NEDD4: variants seen among roughly 807,000 people sequenced by gnomAD.
NEDD4 encodes NEDD4 E3 ubiquitin protein ligase.
Under a neutral mutation model 144.9 loss-of-function variants are expected in NEDD4, and 99 were observed. The ratio of observed to expected loss-of-function variants is 0.68; its 90% CI spans 0.58 to 0.81. The LOEUF is 0.81. Among genes scored for constraint, NEDD4 ranks in the 30% least tolerant of loss-of-function variants. The probability of loss-of-function intolerance (pLI) is 0.00; values close to 1 mark genes in which losing one functional copy is unlikely to be tolerated. For synonymous variants in NEDD4, 318 were observed against 350.6 expected, an observed-to-expected ratio of 0.91 and a Z score of 1.04; for missense variants, 985 against 1,065.9, an observed-to-expected ratio of 0.92 and a Z score of 1.06.
At position 55,980,585 on chromosome 15, in the gene NEDD4, A is replaced by T. The variant is rs370759464; in HGVS notation, c.45+12926T>A. Among the ~76,000 whole-genome samples the T allele has an allele frequency of 1.2e-4, 18 of 152,302 alleles. No homozygotes were observed. In the East Asian group the frequency reaches 2.7e-3, roughly 23 times the overall value. On this transcript the variant is annotated intron_variant, in intron 1 of 28. Coordinates refer to ENST00000435532, the MANE Select transcript of NEDD4 (RefSeq NM_006154.4). ...AAGGAATAAATTTGGAAAGAAGAAA[A>T]CAAGAAATTAAAGAAACAGTAGATT... is the stretch of plus-strand genomic sequence containing the variant.
chr15:55,907,181 A>G (rs1331677243), intron 5 of NEDD4, among the ~76,000 whole-genome samples: 2 of 152,136 alleles, frequency 1.3e-5, no homozygotes, highest in Admixed American at 6.5e-5. Context: ...CAAGAAGTAG[A>G]TTAAGGAGGC....
At chr15:55,887,261 GAA>G (rs756401975) in intron 5 of NEDD4, among the ~76,000 whole-genome samples, 1 of 151,600 alleles carries the variant, frequency 6.6e-6, no homozygotes, top group Non-Finnish European at 1.5e-5. Flanking sequence ...GCCAGACTAA[GAA>G]AAAAAGAGAG....
At chr15:55,830,089 G>A (rs2032875351) in intron 28 of NEDD4, 90 bp from the exon 29 acceptor site, 1 of 897,258 alleles carries the variant, frequency 1.1e-6, no homozygotes, top group Admixed American at 2.5e-5. Flanking sequence ...TTCTTGATGA[G>A]AATGTTCCAA....
Position 55,837,772 on chromosome 15 carries a change from TAAA to T in NEDD4, c.2262+14_2262+16del. ...TACTGTGACATTATGGAAGAGCAAA[TAAA>T]AGAAAATGAATACCTCTTTAAAAGC... On this transcript the variant is annotated intron_variant, in intron 24 of 28. Transcript: ENST00000435532. The T allele has an allele frequency of 6.3e-7, 1 of 1,598,922 alleles. No individual in the cohort carries two copies. Among genetic ancestry groups the T allele is most frequent in the Non-Finnish European group, 8.6e-7 (1 of 1,167,740 alleles).
rs563719192 is a variant in NEDD4, at chr15:55,976,715, T to C, written c.46-10169A>G. 2.6e-5 allele frequency among the ~76,000 whole-genome samples: 4 copies of C among 151,432 alleles called. No homozygotes were observed. The South Asian group carries it at 8.4e-4, about 32-fold the overall frequency. On this transcript the variant is annotated intron_variant, in intron 1 of 28. Transcript: ENST00000435532. ...TGCAATCTCACTTCACTGCAAGCTC[T>C]GCCTCCTGGGCTCACGCCGTTCTCC... is the stretch of plus-strand genomic sequence containing the variant.
intron 5 of NEDD4, among the ~76,000 whole-genome samples, chr15:55,885,218 G>A (rs1022900429): frequency 9.2e-5 from 14 of 152,146 alleles, no homozygotes; most frequent in Non-Finnish European, 2.1e-4. Context: ...CTTCAAACAT[G>A]AAGGAGAAAT....
intron 4 of NEDD4, 85 bp downstream of exon 4, chr15:55,951,291 A>G (rs1393733980): frequency 1.6e-6 from 1 of 618,164 alleles, no homozygotes; most frequent in Non-Finnish European, 2.7e-6. Flanking sequence ...ACATCTTCAA[A>G]TATTAAAAAT....
At chr15:55,884,805 T>C (rs2035328293) in intron 5 of NEDD4, among the ~76,000 whole-genome samples, 1 of 152,092 alleles carries the variant, frequency 6.6e-6, no homozygotes, top group African/African-American at 2.4e-5. Flanking sequence ...CTACAAGATC[T>C]AGAAAATAGC....
At chr15:55,954,727 TTGGTCAGGC>T (rs2037306697) in intron 2 of NEDD4, among the ~76,000 whole-genome samples, 2 of 152,192 alleles carry the variant, frequency 1.3e-5, no homozygotes, top group South Asian at 4.1e-4. Flanking sequence ...TTTCTCTGTG[TTGGTCAGGC>T]TGGTCTTCAA....
intron 8 of NEDD4, among the ~76,000 whole-genome samples, chr15:55,868,554 C>G (rs1001173727): frequency 6.6e-6 from 1 of 152,098 alleles, no homozygotes; most frequent in Non-Finnish European, 1.5e-5. Context: ...AAGGGCAGTT[C>G]CCTGGCACAC....
intron 8 of NEDD4, among the ~76,000 whole-genome samples, chr15:55,868,056 CAAAA>C (rs201455596): frequency 2.7e-5 from 3 of 109,234 alleles, no homozygotes; most frequent in Admixed American, 9.6e-5. Flanking sequence ...ACTCTGACTC[CAAAA>C]AAAAAAAAAA....
In NEDD4 at chr15:55,829,906, T is replaced by C. The variant is rs2032862524; in HGVS notation, c.2694A>G (p.Gly898=). 6.2e-7 allele frequency: 1 copy of C among 1,610,942 alleles called. No individual in the cohort carries two copies. Among genetic ancestry groups the C allele is most frequent in the African/African-American group, 1.3e-5 (1 of 74,840 alleles). ...GATTGTTATTTGTAATCTAATCAACTCCATCAAAGCCCTGGGTGTTTTCAA... is the reference window on the plus strand; with the variant it reads ...GATTGTTATTTGTAATCTAATCAACCCCATCAAAGCCCTGGGTGTTTTCAA... ...MAIENTQGFD[G]VD Residue 898 remains glycine, a synonymous_variant, in exon 29 of 29, where the codon GGA becomes GGG. Coordinates refer to ENST00000435532, the MANE Select transcript of NEDD4 (RefSeq NM_006154.4).
chr15:55,911,461 T>C (rs1323980214), intron 5 of NEDD4, among the ~76,000 whole-genome samples: 5 of 152,114 alleles, frequency 3.3e-5, no homozygotes, highest in Non-Finnish European at 5.9e-5. Context: ...TCTCTCCAGA[T>C]AAATAATGTC....
In NEDD4 at chr15:55,907,956, C is replaced by T. The variant is rs16976646; in HGVS notation, c.291+16690G>A. Reference sequence around the variant, plus strand: ...ACTGTGGAAACTAATCCTTGAGTCACGATCATAATATTCCATTGGCATTCA... The same window carrying T: ...ACTGTGGAAACTAATCCTTGAGTCATGATCATAATATTCCATTGGCATTCA... On this transcript the variant is annotated intron_variant, in intron 5 of 28. Transcript: ENST00000435532. Among the ~76,000 whole-genome samples, 13 of 152,144 alleles carry T rather than the reference C, an allele frequency of 8.5e-5. No homozygotes were observed. In the East Asian group the frequency reaches 1.2e-3, roughly 14 times the overall value.
In NEDD4 at chr15:55,924,642, T is replaced by C; in HGVS notation, c.291+4A>G. On this transcript the variant is annotated splice_donor_region_variant and intron_variant, in intron 5 of 28. Transcript: ENST00000435532. ...ATATTTCATATAAGCACAATATAAC[T>C]TACCAATCGGTTTTCGTCAAACACT... 2 of 1,606,798 alleles carry C rather than the reference T, an allele frequency of 1.2e-6. No individual in the cohort carries two copies. The highest frequency in any genetic ancestry group is 1.7e-6 in the Non-Finnish European group (2 of 1,176,216).
intron 5 of NEDD4, among the ~76,000 whole-genome samples, chr15:55,907,901 G>A (rs16976645): frequency 6.6e-6 from 1 of 152,136 alleles, no homozygotes; most frequent in African/African-American, 2.4e-5. Flanking sequence ...GTACCAGTTA[G>A]TGGAATATGT....
chr15:55,966,663 C>A lies in NEDD4; in HGVS notation c.46-117G>T, dbSNP rs1485569351. ...AGGATATTAAAATTAATTGAAGAAT[C>A]TTTTTCAATAATTAATTTTATTAAA... is the stretch of plus-strand genomic sequence containing the variant. On this transcript the variant is annotated intron_variant, in intron 1 of 28. Transcript: ENST00000435532. 1.1e-5 allele frequency: 5 copies of A among 451,414 alleles called. No individual in the cohort carries two copies. The East Asian group carries it at 1.5e-4, about 14-fold the overall frequency. The allele number at this position is 451,414 out of a possible 1,614,324, so 28.0% of individuals were successfully genotyped here.
chr15:55,988,125 C>T (rs1450336774), intron 1 of NEDD4: 2 of 143,026 alleles, frequency 1.4e-5, no homozygotes, highest in South Asian at 2.4e-4. Flanking sequence ...ACATATACAC[C>T]ATGGAATACT....
chr15:55,974,808 T>C (rs1197617557), intron 1 of NEDD4, among the ~76,000 whole-genome samples: 1 of 150,320 alleles, frequency 6.7e-6, no homozygotes, highest in Non-Finnish European at 1.5e-5. Context: ...GACCCACAGC[T>C]AGTGCCATGG....
Sources: allele counts gnomAD v4.1 joint callset (sites outside exome capture counted in the v4.1 genomes callset), GRCh38; gene constraint gnomAD v4.1.1; transcripts MANE v1.5; gene names NCBI Gene and HGNC (gene_info 2026-07-23, HGNC 2026-07-21).